Variants in KIRREL3 observed in about 807,000 individuals in gnomAD.
KIRREL3 encodes kin of IRRE-like protein 3.
Under a neutral mutation model 89.7 loss-of-function variants are expected in KIRREL3, and 36 were observed. That is an observed-to-expected ratio of 0.40 (90% CI 0.31 to 0.53). KIRREL3 has a LOEUF of 0.53. Among genes scored for constraint, KIRREL3 ranks in the 20% least tolerant of loss-of-function variants. KIRREL3 has a pLI of 0.49. For synonymous variants in KIRREL3, 445 were observed against 441.4 expected (o/e 1.01, Z -0.10); for missense variants, 864 against 1,056.6 (o/e 0.82, Z 2.53).
At chr11:126,591,437 A>C (rs1228014904) in intron 1 of KIRREL3, among the ~76,000 whole-genome samples, 4 of 152,186 alleles carry the variant, frequency 2.6e-5, no homozygotes, top group Admixed American at 2.6e-4. Flanking sequence ...GGCTGGTTAT[A>C]ACAGCCAGGG....
intron 7 of KIRREL3, among the ~76,000 whole-genome samples, chr11:126,451,572 ATG>A (rs35894823): frequency 1.0e-3 from 138 of 136,306 alleles, no homozygotes; most frequent in Non-Finnish European, 1.5e-3. Context: ...GATCATGTGC[ATG>A]TGTGTGTGCG....
Position 126,498,736 on chromosome 11 carries a change from T to C in KIRREL3, c.433+22579A>G, listed in dbSNP as rs377551613. The stretch of plus-strand genomic sequence containing the variant: ...CTGGCCTGGCGTCCCAGTATCCTGC[T>C]TCCTGGGAGGAGCACCTTCCCTTCT... On this transcript the variant is annotated intron_variant, in intron 4 of 16. Coordinates refer to ENST00000525144, the MANE Select transcript of KIRREL3 (RefSeq NM_032531.4). The surrounding 1 kb of genome is among the most constrained non-coding windows in gnomAD (Gnocchi z 4.3). 6.6e-6 allele frequency among the ~76,000 whole-genome samples: 1 copy of C among 152,220 alleles called. No individual in the cohort carries two copies. Among genetic ancestry groups the C allele is most frequent in the East Asian group, 1.9e-4 (1 of 5,184 alleles).
chr11:126,456,328 C>A (rs1215690975), intron 7 of KIRREL3, 21 bp downstream of exon 7: 3 of 1,529,268 alleles, frequency 2.0e-6, no homozygotes, highest in Non-Finnish European at 2.7e-6. Flanking sequence ...CAGGCCGGGC[C>A]CCCTCAGCAG....
chr11:126,517,011 T>TGA (rs1210346123), intron 4 of KIRREL3, among the ~76,000 whole-genome samples: 2 of 152,016 alleles, frequency 1.3e-5, no homozygotes, highest in African/African-American at 4.8e-5. Flanking sequence ...GAGGTTGCGG[T>TGA]GAGCTGAGAT....
At position 126,872,649 on chromosome 11, in the gene KIRREL3, C is replaced by A. The variant is rs1379232174; in HGVS notation, c.55+127806G>T. ...TGAAAAAATGCTCCAGAGTGTCTAT[C>A]TTTTCTTTCTCTGTCTCCCTCCTAT... On this transcript the variant is annotated intron_variant, in intron 1 of 16. Coordinates refer to ENST00000525144, the MANE Select transcript of KIRREL3 (RefSeq NM_032531.4). This position sits in a 1 kb window ranked among gnomAD's most constrained non-coding sequence, Gnocchi z 4.2. Among the ~76,000 whole-genome samples, 1 of 152,212 alleles carries A rather than the reference C, an allele frequency of 6.6e-6. No homozygotes were observed. The highest frequency in any genetic ancestry group is 6.5e-5 in the Admixed American group (1 of 15,278).
chr11:126,961,531 T>A (rs2135182544), intron 1 of KIRREL3, among the ~76,000 whole-genome samples: 1 of 152,318 alleles, frequency 6.6e-6, no homozygotes, highest in Middle Eastern at 3.4e-3. Context: ...GATGAGGAAG[T>A]TGCAGAAGAA....
Position 126,441,070 on chromosome 11 carries a change from T to C in KIRREL3, c.1253-521A>G, listed in dbSNP as rs1196844925. Among the ~76,000 whole-genome samples the C allele has an allele frequency of 2.0e-5, 3 of 152,102 alleles. No individual in the cohort carries two copies. Among genetic ancestry groups the C allele is most frequent in the Non-Finnish European group, 4.4e-5 (3 of 68,020 alleles). On this transcript the variant is annotated intron_variant, in intron 10 of 16. Coordinates refer to ENST00000525144, the MANE Select transcript of KIRREL3 (RefSeq NM_032531.4). This position sits in a 1 kb window ranked among gnomAD's most constrained non-coding sequence, Gnocchi z 5.0. ...GGCCAGACGGGCCAACGGGAAGAAA[T>C]GGTTGCTGTCCCTCTCCTTAGGGCG...
At position 126,457,425 on chromosome 11, in the gene KIRREL3, CTA is replaced by C. The variant is rs533762469; in HGVS notation, c.743-973_743-972del. ...TGTGTATGCACGTGTGTATGTGTGT[CTA>C]TGCGTGTGTGTATGTGTATGTGTGT... On this transcript the variant is annotated intron_variant, in intron 6 of 16. Coordinates refer to ENST00000525144, the MANE Select transcript of KIRREL3 (RefSeq NM_032531.4). Among the ~76,000 whole-genome samples, 134 of 145,300 alleles carry C rather than the reference CTA, an allele frequency of 9.2e-4. 3 individuals are homozygous for C. The highest frequency in any genetic ancestry group is 3.3e-3 in the African/African-American group (128 of 39,132).
At position 126,933,779 on chromosome 11, in the gene KIRREL3, GA is replaced by G. The variant is rs35968116; in HGVS notation, c.55+66675del. Among the ~76,000 whole-genome samples, 362 of 147,026 alleles carry G rather than the reference GA, an allele frequency of 2.5e-3. 1 individual carries two copies. The highest frequency in any genetic ancestry group is 8.3e-3 in the African/African-American group (333 of 40,274). ...TACTTGTACAATTCCCACCAAAAAGGAAAAAAAAAAACCAAAAACATGGAGA... is the reference window on the plus strand; with the variant it reads ...TACTTGTACAATTCCCACCAAAAAGGAAAAAAAAAACCAAAAACATGGAGA... On this transcript the variant is annotated intron_variant, in intron 1 of 16. Coordinates refer to ENST00000525144, the MANE Select transcript of KIRREL3 (RefSeq NM_032531.4).
rs985083852 is a variant in KIRREL3 at position 126,594,958 on chromosome 11, GCC to G, written c.56-32048_56-32047del. On this transcript the variant is annotated intron_variant, in intron 1 of 16. Coordinates refer to ENST00000525144, the MANE Select transcript of KIRREL3 (RefSeq NM_032531.4). The surrounding 1 kb of genome is among the most constrained non-coding windows in gnomAD (Gnocchi z 5.0). ...GAAAGTCACTTTGCAGCTGCCCTGG[GCC>G]CTCGGACCCTCAGGGGCCTTCTGGG... Among the ~76,000 whole-genome samples the G allele has an allele frequency of 3.9e-5, 6 of 152,206 alleles. No individual in the cohort carries two copies. Among genetic ancestry groups the G allele is most frequent in the Admixed American group, 3.9e-4 (6 of 15,290 alleles).
At chr11:126,469,502 C>T (rs1425720983) in intron 5 of KIRREL3, among the ~76,000 whole-genome samples, 1 of 152,206 alleles carries the variant, frequency 6.6e-6, no homozygotes, top group Non-Finnish European at 1.5e-5. Flanking sequence ...GCTCGGACAG[C>T]CCCCAGAGCC....
At position 126,647,670 on chromosome 11, in the gene KIRREL3, C is replaced by T. The variant is rs926800070; in HGVS notation, c.56-84758G>A. On this transcript the variant is annotated intron_variant, in intron 1 of 16. Transcript: ENST00000525144. This position sits in a 1 kb window ranked among gnomAD's most constrained non-coding sequence, Gnocchi z 4.9. Reference sequence around the variant, plus strand: ...CAAGGCTACCCCCTGGTCCAAGTCACTTGGACCCTGTGCCTGGATGGCGGC... The same window carrying T: ...CAAGGCTACCCCCTGGTCCAAGTCATTTGGACCCTGTGCCTGGATGGCGGC... Among the ~76,000 whole-genome samples the T allele has an allele frequency of 6.2e-4, 95 of 152,330 alleles. No individual in the cohort carries two copies. The highest frequency in any genetic ancestry group is 2.2e-3 in the African/African-American group (90 of 41,580).
chr11:126,845,990 A>G (rs539238065), intron 1 of KIRREL3, among the ~76,000 whole-genome samples: 2 of 151,922 alleles, frequency 1.3e-5, no homozygotes, highest in Non-Finnish European at 2.9e-5. Flanking sequence ...TCCTCATGGA[A>G]CCTCAGGAAT....
rs1943806292 is a variant in KIRREL3 at position 126,837,057 on chromosome 11, A to G, written c.55+163398T>C. ...TTTTGGGGGGCGGGGGGTTGAATGA[A>G]TGAACTAACAAACAGCTTCAGAGTA... On this transcript the variant is annotated intron_variant, in intron 1 of 16. Transcript: ENST00000525144. This position sits in a 1 kb window ranked among gnomAD's most constrained non-coding sequence, Gnocchi z 4.7. Among the ~76,000 whole-genome samples, 1 of 152,154 alleles carries G rather than the reference A, an allele frequency of 6.6e-6. No homozygotes were observed. The highest frequency in any genetic ancestry group is 1.5e-5 in the Non-Finnish European group (1 of 68,024).
chr11:126,899,379 C>T (rs753231731), intron 1 of KIRREL3, among the ~76,000 whole-genome samples: 1 of 152,130 alleles, frequency 6.6e-6, no homozygotes, highest in Non-Finnish European at 1.5e-5. Context: ...AACTATTAAA[C>T]ACAAAATCTC....
intron 1 of KIRREL3, among the ~76,000 whole-genome samples, chr11:126,787,058 C>T (rs992439890): frequency 2.0e-5 from 3 of 152,166 alleles, no homozygotes; most frequent in African/African-American, 4.8e-5. Flanking sequence ...CTGGCTTTTG[C>T]CTGCATTAAT....
In KIRREL3 at chr11:126,805,614, C is replaced by T. The variant is rs77100450; in HGVS notation, c.55+194841G>A. Among the ~76,000 whole-genome samples, 1 of 152,144 alleles carries T rather than the reference C, an allele frequency of 6.6e-6. No individual in the cohort carries two copies. The highest frequency in any genetic ancestry group is 2.4e-5 in the African/African-American group (1 of 41,428). On this transcript the variant is annotated intron_variant, in intron 1 of 16. Transcript: ENST00000525144. The surrounding 1 kb of genome is among the most constrained non-coding windows in gnomAD (Gnocchi z 4.3). ...GCTTTTCCACTCTATCATCTTGTCA[C>T]CTGAAGAACATTTATTTTCAGGGTG... is the stretch of plus-strand genomic sequence containing the variant.
intron 1 of KIRREL3, among the ~76,000 whole-genome samples, chr11:126,968,524 C>T (rs1207527728): frequency 6.6e-6 from 1 of 152,158 alleles, no homozygotes; most frequent in Admixed American, 6.6e-5. Flanking sequence ...TTCATTGCTG[C>T]CATCAAAGGC....
Position 126,427,383 on chromosome 11 carries a change from A to C in KIRREL3, c.1807-1659T>G, listed in dbSNP as rs1954984147. Among the ~76,000 whole-genome samples the C allele has an allele frequency of 7.3e-6, 1 of 137,370 alleles. No homozygotes were observed. Among genetic ancestry groups the C allele is most frequent in the South Asian group, 2.4e-4 (1 of 4,140 alleles). The allele number at this position is 137,370 out of a possible 152,430, so 90.1% of individuals were successfully genotyped here. The stretch of plus-strand genomic sequence containing the variant: ...CATGGAATTGGGGGAATGCACTATA[A>C]AGGAGGCACATACAAAGTGTTTTGG... On this transcript the variant is annotated intron_variant, in intron 15 of 16. Transcript: ENST00000525144. The surrounding 1 kb of genome is among the most constrained non-coding windows in gnomAD (Gnocchi z 5.3).
Sources: allele counts gnomAD v4.1 joint callset (sites outside exome capture counted in the v4.1 genomes callset), GRCh38; gene constraint gnomAD v4.1.1; non-coding constraint Gnocchi (gnomAD v3.1); transcripts MANE v1.5; gene names NCBI Gene and HGNC (gene_info 2026-07-23, HGNC 2026-07-21).